TFDP1: variants seen among roughly 807,000 people sequenced by gnomAD.
TFDP1 encodes the protein transcription factor Dp-1.
Under a neutral mutation model 48.0 loss-of-function variants are expected in TFDP1, and 6 were observed. The observed-to-expected ratio is 0.13, with a 90% CI of 0.07 to 0.25. The LOEUF (loss-of-function observed/expected upper bound fraction) is 0.25, where lower values mean the gene tolerates loss of function less well. TFDP1 is among the 10% of genes least tolerant of loss of function. The pLI, the probability that TFDP1 is intolerant of heterozygous loss-of-function variation, is 1.00. For synonymous variants in TFDP1, 201 were observed against 211.6 expected (o/e 0.95, Z 0.44); for missense variants, 335 against 543.0 (o/e 0.62, Z 3.81).
At chr13:113,625,463 T>C (rs1594507011) in intron 4 of TFDP1, among the ~76,000 whole-genome samples, 2 of 101,026 alleles carry the variant, frequency 2.0e-5, no homozygotes, top group East Asian at 3.4e-4. Context: ...GTCTCTCACG[T>C]GTCCTCAGGT....
At chr13:113,610,845 C>G in intron 2 of TFDP1, 151 bp from the exon 3 acceptor site, 1 of 706,252 alleles carries the variant, frequency 1.4e-6, no homozygotes, top group South Asian at 1.8e-5. Context: ...CTGGCGTTCT[C>G]CTGGTTGTTC....
chr13:113,594,112 C>T (rs1400785387), intron 2 of TFDP1, among the ~76,000 whole-genome samples: 1 of 142,868 alleles, frequency 7.0e-6, no homozygotes, highest in South Asian at 2.2e-4. Context: ...GTACGTGGGT[C>T]CTCAGCCCTG....
intron 4 of TFDP1, among the ~76,000 whole-genome samples, chr13:113,626,698 C>T (rs1346974323): frequency 8.5e-5 from 13 of 152,328 alleles, no homozygotes; most frequent in Admixed American, 3.3e-4. Context: ...CCACGTCATA[C>T]GGCTTTTCAA....
intron 2 of TFDP1, among the ~76,000 whole-genome samples, chr13:113,591,132 A>G (rs950403192): frequency 1.3e-5 from 2 of 151,900 alleles, no homozygotes; most frequent in African/African-American, 2.4e-5. Flanking sequence ...ACCTGAGGTC[A>G]GGAGTTCGAG....
At position 113,633,171 on chromosome 13, in the gene TFDP1, C is replaced by A; in HGVS notation, c.360C>A (p.Ser120=). 6.2e-7 allele frequency: 1 copy of A among 1,614,168 alleles called. No homozygotes were observed. Among genetic ancestry groups the A allele is most frequent in the Non-Finnish European group, 8.5e-7 (1 of 1,180,034 alleles). The stretch of plus-strand genomic sequence containing the variant: ...ATGGCAAGGGCCTACGGCATTTCTC[C>A]ATGAAGGTCTGCGAGAAGGTGCAGA... ...EKNGKGLRHF[S]MKVCEKVQRK... Residue 120 remains serine (S), a synonymous_variant, in exon 6 of 12, where the codon TCC becomes TCA. Coordinates refer to ENST00000375370, the MANE Select transcript of TFDP1 (RefSeq NM_007111.5). This position sits in a 1 kb window ranked among gnomAD's most constrained non-coding sequence, Gnocchi z 4.5.
rs568187551 is a variant in TFDP1, at chr13:113,633,093, G to A, written c.309-27G>A. On this transcript the variant is annotated intron_variant, in intron 5 of 11. Coordinates refer to ENST00000375370, the MANE Select transcript of TFDP1 (RefSeq NM_007111.5). The surrounding 1 kb of genome is among the most constrained non-coding windows in gnomAD (Gnocchi z 4.5). ...CTGATCCTCAGGAGGGCTGACAGTC[G>A]CTTCTCTTTTCCTTTGTATTTTGAA... 7 of 1,613,262 alleles carry A rather than the reference G, an allele frequency of 4.3e-6. No individual in the cohort carries two copies. Among genetic ancestry groups the A allele is most frequent in the Middle Eastern group, 3.3e-4 (2 of 6,056 alleles).
chr13:113,621,325 A>G (rs1464750382), intron 3 of TFDP1, among the ~76,000 whole-genome samples: 3 of 152,172 alleles, frequency 2.0e-5, no homozygotes, highest in Non-Finnish European at 2.9e-5. Flanking sequence ...GTATTTTCAA[A>G]TGGGGGGCTA....
chr13:113,638,901 A>G (rs1357487015), intron 11 of TFDP1, among the ~76,000 whole-genome samples: 2 of 152,178 alleles, frequency 1.3e-5, no homozygotes, highest in Non-Finnish European at 2.9e-5. Context: ...TCAGTAACCT[A>G]TGGGTCCGGG....
intron 3 of TFDP1, among the ~76,000 whole-genome samples, chr13:113,616,010 C>T (rs995201228): frequency 2.0e-5 from 3 of 151,968 alleles, no homozygotes; most frequent in Admixed American, 1.3e-4. Flanking sequence ...CAAGACCAGC[C>T]TAGCCAACAT....
At chr13:113,596,567 G>A (rs1011365629) in intron 2 of TFDP1, among the ~76,000 whole-genome samples, 2 of 152,188 alleles carry the variant, frequency 1.3e-5, no homozygotes, top group African/African-American at 2.4e-5. Context: ...CAGCTCACGG[G>A]GTGTGCAGCC....
At chr13:113,617,097 C>T (rs2048876818) in intron 3 of TFDP1, among the ~76,000 whole-genome samples, 1 of 152,168 alleles carries the variant, frequency 6.6e-6, no homozygotes, top group Non-Finnish European at 1.5e-5. Context: ...CTTGGACTAG[C>T]ACCCGTGTGT....
At chr13:113,636,914 GC>G (rs1233172072) in intron 10 of TFDP1, among the ~76,000 whole-genome samples, 1 of 152,192 alleles carries the variant, frequency 6.6e-6, no homozygotes, top group Non-Finnish European at 1.5e-5. Context: ...GGATATGGGG[GC>G]CTTGAGTCCA....
chr13:113,625,440 C>G (rs2049126184), intron 4 of TFDP1, among the ~76,000 whole-genome samples: 1 of 117,980 alleles, frequency 8.5e-6, no homozygotes, highest in Non-Finnish European at 1.7e-5. Context: ...GTGTCTCTCA[C>G]ATGTCCTCAG....
chr13:113,590,095 A>G (rs1403745830), intron 2 of TFDP1, among the ~76,000 whole-genome samples: 1 of 152,230 alleles, frequency 6.6e-6, no homozygotes, highest in African/African-American at 2.4e-5. Context: ...TGCCATTGGT[A>G]AAGATGCAGG....
Position 113,633,243 on chromosome 13 carries a change from G to A in TFDP1, c.432G>A (p.Ala144=), listed in dbSNP as rs779669771. 16 of 1,614,040 alleles carry A rather than the reference G, an allele frequency of 9.9e-6. No individual in the cohort carries two copies. In the South Asian group the frequency reaches 1.1e-4, roughly 11 times the overall value. Residue 144 remains alanine, a synonymous_variant, in exon 6 of 12, where the codon GCG becomes GCA. Transcript: ENST00000375370. The surrounding 1 kb of genome is among the most constrained non-coding windows in gnomAD (Gnocchi z 4.5). The stretch of plus-strand genomic sequence containing the variant: ...ACGAAGTGGCAGACGAGCTGGTTGC[G>A]GAGTTCAGTGCTGCCGACAACCACA... ...SYNEVADELV[A]EFSAADNHIL...
At chr13:113,639,874 C>T (rs150434615) in intron 11 of TFDP1, among the ~76,000 whole-genome samples, 237 of 152,372 alleles carry the variant, frequency 1.6e-3, no homozygotes, top group African/African-American at 5.2e-3. Flanking sequence ...TGGCTCTGCT[C>T]AGCCTCCTGT....
At chr13:113,616,490 C>T (rs549253020) in intron 3 of TFDP1, among the ~76,000 whole-genome samples, 6 of 152,316 alleles carry the variant, frequency 3.9e-5, no homozygotes, top group East Asian at 1.9e-4. Context: ...GGCGCCAGGC[C>T]GGGTCCCTCG....
intron 2 of TFDP1, 62 bp downstream of exon 2, chr13:113,585,911 C>G (rs1057488852): frequency 6.4e-7 from 1 of 1,553,374 alleles, no homozygotes; most frequent in African/African-American, 1.4e-5. Context: ...CTTTGTAGTT[C>G]TCTGCCTTTA....
intron 2 of TFDP1, among the ~76,000 whole-genome samples, chr13:113,590,062 C>T (rs1023026583): frequency 1.3e-5 from 2 of 152,338 alleles, no homozygotes; most frequent in Non-Finnish European, 2.9e-5. Context: ...TCTGGGGTCC[C>T]GTTCGCCTCT....
Sources: allele counts gnomAD v4.1 joint callset (sites outside exome capture counted in the v4.1 genomes callset), GRCh38; gene constraint gnomAD v4.1.1; non-coding constraint Gnocchi (gnomAD v3.1); transcripts MANE v1.5; gene names NCBI Gene and HGNC (gene_info 2026-07-23, HGNC 2026-07-21).